The following NRAP variants were observed in gnomAD, a reference collection of about 807,000 sequenced individuals.
NRAP encodes nebulin-related-anchoring protein.
A neutral mutation model predicts 225.9 loss-of-function variants in NRAP; 189 were observed. The ratio of observed to expected loss-of-function variants is 0.84; its 90% CI spans 0.74 to 0.94. The LOEUF is 0.94. Among genes scored for constraint, NRAP ranks in the 40% least tolerant of loss-of-function variants. NRAP has a pLI of 0.00. For missense variants in NRAP, 2,176 were observed against 2,168.7 expected, an observed-to-expected ratio of 1.00 and a Z score of -0.07; for synonymous variants, 769 against 790.7, an observed-to-expected ratio of 0.97 and a Z score of 0.46.
At position 113,614,862 on chromosome 10, in the gene NRAP, C is replaced by A. The variant is rs139118719; in HGVS notation, c.3163G>T (p.Ala1055Ser). The A allele has an allele frequency of 3.1e-6, 5 of 1,608,216 alleles. No individual in the cohort carries two copies. The highest frequency in any genetic ancestry group is 1.1e-5 in the South Asian group (1 of 90,978). The change falls in exon 28 of 42, where the codon GCT becomes TCT. Residue 1055 changes from alanine (A) to serine (S), a missense_variant. Ala to Ser is a moderately conservative substitution (Grantham distance 99). This residue lies in a region of NRAP where 1,708 missense variants were observed against 1,695.5 expected (regional missense o/e 1.01). Coordinates refer to ENST00000359988, the MANE Select transcript of NRAP (RefSeq NM_198060.4). ...ACATCACTTATGATTTCACCAGAAG[C>A]CTTTGCTGCTTGGAATGGAAGGGCA... ...LDALPFQAAKASGEIISDYKY... is the reference protein window; with the variant it reads ...LDALPFQAAKSSGEIISDYKY...
chr10:113,592,216 G>T lies in NRAP; in HGVS notation c.4622C>A (p.Ala1541Glu), dbSNP rs2133823828. The T allele has an allele frequency of 6.2e-7, 1 of 1,609,870 alleles. No homozygotes were observed. Among genetic ancestry groups the T allele is most frequent in the East Asian group, 2.2e-5 (1 of 44,704 alleles). Residue 1541 changes from alanine to glutamate, a missense_variant, in exon 39 of 42, where the codon GCA (alanine) becomes GAA (glutamate). By Grantham distance (107) the Ala-to-Glu change is moderately radical. Around this residue, in one of 3 missense-constraint regions of NRAP, gnomAD observed 445 missense variants for 426.1 expected, o/e 1.04. Transcript: ENST00000359988. The part of the protein sequence containing the change: ...LDAIPFQTAR[A>E]SREIASDFRY... ...TACATCACTGGCGATCTCCCTAGAT[G>T]CCCGGGCAGTCTGGAAGGGGATGGC...
In NRAP at chr10:113,650,498, G is replaced by A. The variant is rs745788689; in HGVS notation, c.723C>T (p.Phe241=). Residue 241 remains phenylalanine, a synonymous_variant, in exon 8 of 42, where the codon TTC becomes TTT. Coordinates refer to ENST00000359988, the MANE Select transcript of NRAP (RefSeq NM_198060.4). ...GATAGGCGGGTGTGATCATCGCAGG[G>A]AAACTGCCTTTCCCTCTTTGTTGTT... ...DYEQQRGKGS[F]PAMITPAYQI... The A allele has an allele frequency of 1.2e-6, 2 of 1,613,836 alleles. No homozygotes were observed. Among genetic ancestry groups the A allele is most frequent in the African/African-American group, 2.7e-5 (2 of 74,880 alleles).
At chr10:113,602,831 T>C (rs188170594) in intron 35 of NRAP, among the ~76,000 whole-genome samples, 34 of 152,286 alleles carry the variant, frequency 2.2e-4, no homozygotes, top group African/African-American at 7.9e-4. Context: ...AGTTCTCCAC[T>C]GAGAACCAGA....
In NRAP at chr10:113,588,973, GC is replaced by G. The variant is rs1312440527; in HGVS notation, c.*1del. On this transcript the variant is annotated 3_prime_UTR_variant, in exon 42 of 42. Coordinates refer to ENST00000359988, the MANE Select transcript of NRAP (RefSeq NM_198060.4). Reference sequence around the variant, plus strand: ...CCTCTCAGGAATCAGGGTGGACATGGCTCACAACAGCAGGGCCTTCTTCTTT... The same window carrying G: ...CCTCTCAGGAATCAGGGTGGACATGGTCACAACAGCAGGGCCTTCTTCTTT... 3.7e-6 allele frequency: 6 copies of G among 1,610,228 alleles called. No individual in the cohort carries two copies. Among genetic ancestry groups the G allele is most frequent in the African/African-American group, 1.3e-5 (1 of 74,850 alleles).
rs772913276 is a variant in NRAP, at chr10:113,645,800, G to T, written c.1110+25C>A. 2.6e-6 allele frequency: 3 copies of T among 1,140,578 alleles called. No homozygotes were observed. The Admixed American group carries it at 5.6e-5, about 21-fold the overall frequency. 70.7% of individuals were successfully genotyped at this position (1,140,578 alleles called of 1,614,324 possible). A position where few individuals can be genotyped will look rare whatever the true frequency, so the allele number is the denominator to read the frequency against. ...GGAGATAAAAGAGGTGATGCTCATGGGTGTGACTCTTCCCCCATACGCACC... is the reference window on the plus strand; with the variant it reads ...GGAGATAAAAGAGGTGATGCTCATGTGTGTGACTCTTCCCCCATACGCACC... On this transcript the variant is annotated intron_variant, in intron 11 of 41. Transcript: ENST00000359988.
In NRAP at chr10:113,620,618, C is replaced by T. The variant is rs201778237; in HGVS notation, c.2860G>A (p.Glu954Lys). The T allele has an allele frequency of 6.2e-7, 1 of 1,610,960 alleles. No homozygotes were observed. Among genetic ancestry groups the T allele is most frequent in the Non-Finnish European group, 8.5e-7 (1 of 1,177,214 alleles). ...LNVEQAKKAGELISEKKYRQH... is the reference protein window; with the variant it reads ...LNVEQAKKAGKLISEKKYRQH... ...GGAAATCTCACCTCGCTAATGAGTT[C>T]TCCTGCCTTCTTCGCCTGCTCCACA... Residue 954 changes from glutamate to lysine, a missense_variant, in exon 25 of 42, where the codon GAA becomes AAA. By Grantham distance (56) the Glu-to-Lys change is moderately conservative. Coordinates refer to ENST00000359988, the MANE Select transcript of NRAP (RefSeq NM_198060.4).
At chr10:113,629,847 G>A (rs1190800982) in intron 18 of NRAP, 62 bp from the exon 19 acceptor site, 3 of 1,168,322 alleles carry the variant, frequency 2.6e-6, no homozygotes, top group Non-Finnish European at 3.8e-6. Context: ...CAGGAGTGAT[G>A]TGAAAATGCA....
chr10:113,590,470 C>T lies in NRAP; in HGVS notation c.4956+108G>A, dbSNP rs1175038138. ...AAGTGTTAGGTGTCTTGGATTCTCT[C>T]TCAGCCCAGCTCCCCCAGAAGCTAA... On this transcript the variant is annotated intron_variant, in intron 40 of 41. Transcript: ENST00000359988. 2.7e-6 allele frequency: 3 copies of T among 1,106,332 alleles called. No individual in the cohort carries two copies. In the African/African-American group the frequency reaches 4.6e-5, roughly 17 times the overall value. The allele number at this position is 1,106,332 out of a possible 1,614,324, so 68.5% of individuals were successfully genotyped here.
In NRAP at chr10:113,631,980, A is replaced by G. The variant is rs367731016; in HGVS notation, c.1633-16T>C. 1.2e-5 allele frequency: 18 copies of G among 1,474,578 alleles called. No individual in the cohort carries two copies. The highest frequency in any genetic ancestry group is 1.6e-5 in the Non-Finnish European group (17 of 1,053,358). The allele number at this position is 1,474,578 out of a possible 1,614,324, so 91.3% of individuals were successfully genotyped here. On this transcript the variant is annotated splice_polypyrimidine_tract_variant and intron_variant, in intron 16 of 41. Coordinates refer to ENST00000359988, the MANE Select transcript of NRAP (RefSeq NM_198060.4). The stretch of plus-strand genomic sequence containing the variant: ...TATACTTAACCTGACAAACAAAACC[A>G]CAAGTGAATAGGAGTTGCTACCCAT...
intron 21 of NRAP, among the ~76,000 whole-genome samples, chr10:113,625,314 T>C (rs1848224096): frequency 6.6e-6 from 1 of 152,196 alleles, no homozygotes; most frequent in South Asian, 2.1e-4. Context: ...ATAAGAAGCA[T>C]GCTCTGCCTC....
Position 113,657,462 on chromosome 10 carries a change from T to C in NRAP, c.360+8A>G, listed in dbSNP as rs773168108. ...TTTTTCCAAACCCACTTGTCACTTT[T>C]CTCTCACCTCATTTGCCAGTGGCTG... On this transcript the variant is annotated splice_region_variant and intron_variant, in intron 4 of 41. Coordinates refer to ENST00000359988, the MANE Select transcript of NRAP (RefSeq NM_198060.4). 4 of 1,407,884 alleles carry C rather than the reference T, an allele frequency of 2.8e-6. No individual in the cohort carries two copies. In the East Asian group the frequency reaches 9.1e-5, roughly 32 times the overall value. 87.2% of individuals were successfully genotyped at this position (1,407,884 alleles called of 1,614,324 possible).
chr10:113,663,193 C>T (rs1850797749), intron 2 of NRAP, among the ~76,000 whole-genome samples, 159 bp downstream of exon 2: 1 of 152,110 alleles, frequency 6.6e-6, no homozygotes, highest in East Asian at 1.9e-4. Flanking sequence ...GCATAAAATC[C>T]CACCTTAGGT....
intron 4 of NRAP, among the ~76,000 whole-genome samples, chr10:113,656,821 T>C (rs1850335664): frequency 6.6e-6 from 1 of 152,170 alleles, no homozygotes; most frequent in African/African-American, 2.4e-5. Flanking sequence ...ATCCACAAGA[T>C]TGACGAGAGT....
chr10:113,619,619 CAAA>C (rs33990694), intron 25 of NRAP, among the ~76,000 whole-genome samples: 54 of 143,046 alleles, frequency 3.8e-4, no homozygotes, highest in Middle Eastern at 3.6e-3. Context: ...AAAGACTCCT[CAAA>C]AAAAAAAAAA....
At chr10:113,652,456 A>C (rs1472123938) in intron 6 of NRAP, among the ~76,000 whole-genome samples, 1 of 152,154 alleles carries the variant, frequency 6.6e-6, no homozygotes, top group Non-Finnish European at 1.5e-5. Flanking sequence ...CCTGGCCAAC[A>C]TGGTGAAACC....
intron 35 of NRAP, among the ~76,000 whole-genome samples, chr10:113,599,697 A>T (rs1459263207): frequency 1.3e-5 from 2 of 152,174 alleles, no homozygotes; most frequent in Non-Finnish European, 2.9e-5. Context: ...CCTAAAAACA[A>T]CACACTTGCC....
At chr10:113,634,271 C>T in intron 14 of NRAP, 61 bp from the exon 15 acceptor site, 1 of 1,215,790 alleles carries the variant, frequency 8.2e-7, no homozygotes, top group Non-Finnish European at 1.2e-6. Flanking sequence ...TTGCTTAGCT[C>T]CCTCTCCCAA....
chr10:113,637,132 A>C (rs574145478), intron 14 of NRAP, among the ~76,000 whole-genome samples: 157 of 151,972 alleles, frequency 1.0e-3, no homozygotes, highest in African/African-American at 3.5e-3. Context: ...TATTCATTTC[A>C]TTTTTGCCTG....
rs114828585 is a variant in NRAP at position 113,656,687 on chromosome 10, G to A, written c.360+783C>T. Reference sequence around the variant, plus strand: ...AGTTCACCTTACAGATGAGAAAGTTGAAGTAAAGAATGGTTAAATAACTCA... The same window carrying A: ...AGTTCACCTTACAGATGAGAAAGTTAAAGTAAAGAATGGTTAAATAACTCA... On this transcript the variant is annotated intron_variant, in intron 4 of 41. Transcript: ENST00000359988. 4.1e-3 allele frequency among the ~76,000 whole-genome samples: 620 copies of A among 152,310 alleles called. 5 individuals carry two copies. Among genetic ancestry groups the A allele is most frequent in the African/African-American group, 0.014 (566 of 41,572 alleles).
Sources: allele counts gnomAD v4.1 joint callset (sites outside exome capture counted in the v4.1 genomes callset), GRCh38; gene constraint gnomAD v4.1.1; regional missense constraint gnomAD v4.1.1; transcripts MANE v1.5; gene names NCBI Gene and HGNC (gene_info 2026-07-23, HGNC 2026-07-21).